The following CACHD1 variants were observed in gnomAD, a reference collection of about 807,000 sequenced individuals.
CACHD1 encodes cache domain containing 1, also known as VWFA and cache domain-containing protein 1.
A neutral mutation model predicts 138.7 loss-of-function variants in CACHD1; 71 were observed. That is an observed-to-expected ratio of 0.51 (90% CI 0.42 to 0.62). The LOEUF is 0.62. Ranked by LOEUF, CACHD1 falls within the 20% of genes least tolerant of loss-of-function variation. The pLI is 0.00. For missense variants in CACHD1, 1,389 were observed against 1,625.3 expected (o/e 0.85, Z 2.50); for synonymous variants, 578 against 591.5 (o/e 0.98, Z 0.33).
At chr1:64,689,698 T>C (rs11208506) in intron 26 of CACHD1, among the ~76,000 whole-genome samples, 25,110 of 152,100 alleles carry the variant, frequency 0.17, 2,863 homozygotes, top group East Asian at 0.61. Context: ...AGCTACCTGC[T>C]AGCACTCATC....
intron 4 of CACHD1, among the ~76,000 whole-genome samples, chr1:64,609,454 G>A (rs1027582802): frequency 6.6e-6 from 1 of 152,174 alleles, no homozygotes; most frequent in African/African-American, 2.4e-5. Context: ...ATATTCGTAT[G>A]TATGTGTGTA....
rs138543709 is a variant in CACHD1 at position 64,628,376 on chromosome 1, A to G, written c.518-979A>G. Among the ~76,000 whole-genome samples the G allele has an allele frequency of 2.3e-3, 348 of 152,284 alleles. 1 individual carries two copies. The highest frequency in any genetic ancestry group is 8.0e-3 in the African/African-American group (334 of 41,530). On this transcript the variant is annotated intron_variant, in intron 4 of 26. Transcript: ENST00000651257. ...GGGCTTGTTTTGTGCTCGTCTTTGT[A>G]TATCTTGCCAAATGTAAAGCAGTGA...
At chr1:64,663,898 C>A in intron 14 of CACHD1, 61 bp downstream of exon 14, 1 of 1,601,564 alleles carries the variant, frequency 6.2e-7, no homozygotes, top group Non-Finnish European at 8.5e-7. Context: ...GCAGGGGGTG[C>A]TGGCAGTGAA....
At position 64,566,479 on chromosome 1, in the gene CACHD1, T is replaced by TCCCGC. The variant is rs1553133820; in HGVS notation, c.262-15674_262-15673insGCCCC. On this transcript the variant is annotated intron_variant, in intron 2 of 26. Coordinates refer to ENST00000651257, the MANE Select transcript of CACHD1 (RefSeq NM_020925.4). The stretch of plus-strand genomic sequence containing the variant: ...CAGTGCTCCACTGTATGTTTTCAAT[T>TCCCGC]CCCCCCCCCCCACAAGGTATGGGGG... Among the ~76,000 whole-genome samples, 11 of 120,644 alleles carry TCCCGC rather than the reference T, an allele frequency of 9.1e-5. 3 individuals carry two copies. The highest frequency in any genetic ancestry group is 2.1e-4 in the Admixed American group (2 of 9,694). The allele number at this position is 120,644 out of a possible 152,430, so 79.1% of individuals were successfully genotyped here. A position where few individuals can be genotyped will look rare whatever the true frequency, so the allele number is the denominator to read the frequency against.
intron 7 of CACHD1, among the ~76,000 whole-genome samples, chr1:64,638,393 A>G (rs1261512599): frequency 6.6e-6 from 1 of 152,240 alleles, no homozygotes; most frequent in Non-Finnish European, 1.5e-5. Flanking sequence ...TGGTAGCCAT[A>G]TAAAAATAAG....
intron 26 of CACHD1, among the ~76,000 whole-genome samples, chr1:64,688,471 A>G (rs1046660150): frequency 1.3e-5 from 2 of 152,094 alleles, no homozygotes; most frequent in African/African-American, 4.8e-5. Context: ...ACCTTTTCCA[A>G]GGATGTCAGC....
chr1:64,497,096 G>A (rs541490766), intron 1 of CACHD1, among the ~76,000 whole-genome samples: 1 of 152,118 alleles, frequency 6.6e-6, no homozygotes, highest in Non-Finnish European at 1.5e-5. Context: ...TAGCCCATTG[G>A]CTACTGATTA....
At chr1:64,670,970 G>A (rs1649793847) in intron 16 of CACHD1, among the ~76,000 whole-genome samples, 1 of 152,198 alleles carries the variant, frequency 6.6e-6, no homozygotes, top group Admixed American at 6.5e-5. Flanking sequence ...GTTGAGAGTA[G>A]CAGGGTGGAA....
intron 10 of CACHD1, among the ~76,000 whole-genome samples, chr1:64,652,903 G>C (rs760004426): frequency 2.9e-4 from 44 of 152,072 alleles, no homozygotes; most frequent in Admixed American, 1.4e-3. Context: ...GTGTATATAT[G>C]TACCCAAAGG....
At chr1:64,561,900 A>T (rs1371431892) in intron 2 of CACHD1, among the ~76,000 whole-genome samples, 2 of 140,582 alleles carry the variant, frequency 1.4e-5, no homozygotes, top group East Asian at 4.2e-4. Flanking sequence ...TTTTTTCTTA[A>T]AAGATATTTT....
At chr1:64,613,987 C>T (rs953624485) in intron 4 of CACHD1, among the ~76,000 whole-genome samples, 2 of 152,204 alleles carry the variant, frequency 1.3e-5, no homozygotes, top group Non-Finnish European at 2.9e-5. Context: ...TTTGAATTTG[C>T]TCCCCAGTCT....
intron 1 of CACHD1, among the ~76,000 whole-genome samples, chr1:64,515,584 T>A (rs888167888): frequency 3.3e-5 from 5 of 152,182 alleles, no homozygotes; most frequent in Non-Finnish European, 5.9e-5. Flanking sequence ...CTTCCTCACA[T>A]GAGAAATGCT....
intron 1 of CACHD1, among the ~76,000 whole-genome samples, chr1:64,482,891 ACTTACTCAT>A (rs1557457319): frequency 6.6e-6 from 1 of 152,226 alleles, no homozygotes; most frequent in African/African-American, 2.4e-5. Flanking sequence ...AAGAACACAG[ACTTACTCAT>A]CTGCGTAGTC....
chr1:64,502,944 G>A (rs1350325684), intron 1 of CACHD1, among the ~76,000 whole-genome samples: 1 of 152,110 alleles, frequency 6.6e-6, no homozygotes, highest in African/African-American at 2.4e-5. Context: ...TATTCCCTGG[G>A]GTTGCTGGAA....
At chr1:64,558,678 C>A (rs1448452362) in intron 2 of CACHD1, among the ~76,000 whole-genome samples, 1 of 152,078 alleles carries the variant, frequency 6.6e-6, no homozygotes, top group Non-Finnish European at 1.5e-5. Flanking sequence ...AGCCTCTGCA[C>A]AGCGAAAGAA....
At chr1:64,508,328 T>C (rs1396636048) in intron 1 of CACHD1, among the ~76,000 whole-genome samples, 1 of 152,204 alleles carries the variant, frequency 6.6e-6, no homozygotes, top group Non-Finnish European at 1.5e-5. Context: ...TTATAGGAAT[T>C]ACATGAGAAT....
chr1:64,663,931 T>A, intron 14 of CACHD1, 94 bp downstream of exon 14: 1 of 1,499,134 alleles, frequency 6.7e-7, no homozygotes, highest in Admixed American at 1.8e-5. Flanking sequence ...GAAACCCAGC[T>A]CTGCATCTGT....
At chr1:64,566,879 A>G (rs1456995880) in intron 2 of CACHD1, among the ~76,000 whole-genome samples, 1 of 152,068 alleles carries the variant, frequency 6.6e-6, no homozygotes, top group Non-Finnish European at 1.5e-5. Context: ...ATATTCACAT[A>G]TATGTTAGAG....
At chr1:64,623,994 A>T (rs1451348754) in intron 4 of CACHD1, among the ~76,000 whole-genome samples, 2 of 152,012 alleles carry the variant, frequency 1.3e-5, no homozygotes, top group African/African-American at 2.4e-5. Flanking sequence ...CACCTAACTG[A>T]CTCATAGGAA....
Sources: gnomAD v4.1 joint callset for allele counts (sites outside exome capture counted in the v4.1 genomes callset) on GRCh38, gnomAD v4.1.1 for gene constraint, MANE v1.5 for transcripts, NCBI Gene and HGNC (gene_info 2026-07-23, HGNC 2026-07-21) for gene names.